DLGAP2: variants seen among roughly 807,000 people sequenced by gnomAD.
DLGAP2 encodes the protein DLG associated protein 2, also known as disks large-associated protein 2.
DLGAP2 carries 26 observed loss-of-function variants against 100.3 expected under a neutral mutation model. The ratio of observed to expected loss-of-function variants is 0.26; its 90% confidence interval spans 0.19 to 0.36. The LOEUF (loss-of-function observed/expected upper bound fraction) is 0.36, where lower values mean the gene tolerates loss of function less well. DLGAP2 is among the 10% of genes least tolerant of loss of function. The pLI is 1.00. For synonymous variants in DLGAP2, 886 were observed against 630.1 expected (o/e 1.41, Z -6.08); for missense variants, 1,858 against 1,453.2 (o/e 1.28, Z -4.53).
rs1161971889 is a variant in DLGAP2 at position 1,337,212 on chromosome 8, TGATGATGAG to T, written c.106+78337_106+78345del. Among the ~76,000 whole-genome samples, 340 of 100,526 alleles carry T rather than the reference TGATGATGAG, an allele frequency of 3.4e-3. 2 individuals are homozygous for T. Among genetic ancestry groups the T allele is most frequent in the South Asian group, 6.9e-3 (25 of 3,640 alleles). 65.9% of individuals were successfully genotyped at this position (100,526 alleles called of 152,430 possible). A position where few individuals can be genotyped will look rare whatever the true frequency, so the allele number is the denominator to read the frequency against. ...GTGAGAATGATGGTGATGATGGTGA[TGATGATGAG>T]GATGATGGTGGTGGTGAGAATGATG... On this transcript the variant is annotated intron_variant, in intron 3 of 14. Transcript: ENST00000637795.
At chr8:1,056,144 A>T (rs1021688110) in intron 2 of DLGAP2, among the ~76,000 whole-genome samples, 1 of 152,184 alleles carries the variant, frequency 6.6e-6, no homozygotes, top group Admixed American at 6.5e-5. Flanking sequence ...TTTAGAGAAA[A>T]ATGTAATTCT....
At chr8:1,498,691 C>G (rs1209134622) in intron 3 of DLGAP2, among the ~76,000 whole-genome samples, 2 of 152,222 alleles carry the variant, frequency 1.3e-5, no homozygotes, top group Non-Finnish European at 2.9e-5. Flanking sequence ...TTATAACAAT[C>G]TACTTTAATA....
chr8:1,190,881 C>G (rs1164613144), intron 2 of DLGAP2, among the ~76,000 whole-genome samples: 1 of 152,106 alleles, frequency 6.6e-6, no homozygotes, highest in African/African-American at 2.4e-5. Flanking sequence ...GGTCTGTGGC[C>G]GTTCAGTGCA....
Position 1,258,887 on chromosome 8 carries a change from A to G in DLGAP2, c.106+4A>G. 2 of 1,231,778 alleles carry G rather than the reference A, an allele frequency of 1.6e-6. No homozygotes were observed. Among genetic ancestry groups the G allele is most frequent in the Non-Finnish European group, 2.0e-6 (2 of 988,000 alleles). 76.3% of individuals were successfully genotyped at this position (1,231,778 alleles called of 1,614,324 possible). On this transcript the variant is annotated splice_donor_region_variant and intron_variant, in intron 3 of 14. Transcript: ENST00000637795. Reference sequence around the variant, plus strand: ...ACGCTCTGCGGGGAGCCGGAAGGTGAGTACCTGACATGCTGCCTGGGGTGG... The same window carrying G: ...ACGCTCTGCGGGGAGCCGGAAGGTGGGTACCTGACATGCTGCCTGGGGTGG...
intron 1 of DLGAP2, among the ~76,000 whole-genome samples, chr8:858,169 T>A (rs1207242419): frequency 6.6e-6 from 1 of 152,240 alleles, no homozygotes. Flanking sequence ...CATGAATGTT[T>A]ATAGCAGCTT....
chr8:934,436 G>A (rs894790927), intron 2 of DLGAP2, among the ~76,000 whole-genome samples: 2 of 152,122 alleles, frequency 1.3e-5, no homozygotes, highest in East Asian at 1.9e-4. Context: ...GCAGCCTGTC[G>A]GAGTCGATCT....
At position 1,057,136 on chromosome 8, in the gene DLGAP2, G is replaced by T. The variant is rs1285018406; in HGVS notation, c.73+149170G>T. On this transcript the variant is annotated intron_variant, in intron 2 of 14. Transcript: ENST00000637795. Reference sequence around the variant, plus strand: ...CTGCAGAGTTTTACCTTTGAAACCTGTGAAACCTTTCAGTGTGAGAATACT... The same window carrying T: ...CTGCAGAGTTTTACCTTTGAAACCTTTGAAACCTTTCAGTGTGAGAATACT... Among the ~76,000 whole-genome samples the T allele has an allele frequency of 2.0e-5, 3 of 152,214 alleles. No individual in the cohort carries two copies. The East Asian group carries it at 5.8e-4, about 29-fold the overall frequency.
At chr8:1,644,375 C>T (rs1292453348) in intron 8 of DLGAP2, among the ~76,000 whole-genome samples, 1 of 152,364 alleles carries the variant, frequency 6.6e-6, no homozygotes, top group African/African-American at 2.4e-5. Context: ...CCAGACGGCC[C>T]AGCTGCCCTC....
intron 2 of DLGAP2, among the ~76,000 whole-genome samples, chr8:1,254,531 G>A (rs778399365): frequency 1.3e-5 from 2 of 152,124 alleles, no homozygotes; most frequent in Non-Finnish European, 2.9e-5. Context: ...CGTGGGGCGC[G>A]ATCATTGGCA....
At chr8:1,351,005 T>G in intron 3 of DLGAP2, among the ~76,000 whole-genome samples, 1 of 62,558 alleles carries the variant, frequency 1.6e-5, no homozygotes, top group African/African-American at 7.7e-5. Flanking sequence ...GTGCGGGTCC[T>G]GACTGTGTGT....
Position 1,303,352 on chromosome 8 carries a change from G to A in DLGAP2, c.106+44469G>A, listed in dbSNP as rs530780750. Among the ~76,000 whole-genome samples the A allele has an allele frequency of 1.5e-3, 223 of 148,858 alleles. 1 individual carries two copies. The highest frequency in any genetic ancestry group is 2.7e-3 in the Non-Finnish European group (183 of 67,542). On this transcript the variant is annotated intron_variant, in intron 3 of 14. Coordinates refer to ENST00000637795, the MANE Select transcript of DLGAP2 (RefSeq NM_001346810.2). ...GCGGAGCTTGCACAGAGCCGAGATC[G>A]CGCCACCGCACTCCAGCCTGGGCGA...
chr8:1,258,756 A>C (rs1799281323), intron 2 of DLGAP2, 95 bp from the exon 3 acceptor site: 1 of 1,091,786 alleles, frequency 9.2e-7, no homozygotes, highest in Non-Finnish European at 1.2e-6. Context: ...GCGTCATCTT[A>C]AAGTTGTAGT....
intron 3 of DLGAP2, among the ~76,000 whole-genome samples, chr8:1,497,481 A>G (rs894914577): frequency 2.0e-5 from 3 of 152,166 alleles, no homozygotes; most frequent in Admixed American, 2.0e-4. Flanking sequence ...CCATCTTTCC[A>G]ATGACTGGTG....
In DLGAP2 at chr8:800,684, ATGTGCATG is replaced by A. The variant is rs1203485690; in HGVS notation, c.18+62872_18+62879del. Reference sequence around the variant, plus strand: ...TGTGCATGTGTGTACATGTATGTGTATGTGCATGTGTGCATGTGTGTGTCTGTGTGTCC... The same window carrying A: ...TGTGCATGTGTGTACATGTATGTGTATGTGCATGTGTGTGTCTGTGTGTCC... On this transcript the variant is annotated intron_variant, in intron 1 of 14. Transcript: ENST00000637795. Among the ~76,000 whole-genome samples, 10 of 152,138 alleles carry A rather than the reference ATGTGCATG, an allele frequency of 6.6e-5. No individual in the cohort carries two copies. In the East Asian group the frequency reaches 9.7e-4, roughly 15 times the overall value.
intron 8 of DLGAP2, among the ~76,000 whole-genome samples, chr8:1,635,464 A>T (rs937676907): frequency 2.6e-5 from 4 of 152,226 alleles, no homozygotes; most frequent in African/African-American, 9.6e-5. Flanking sequence ...CACTACGTTC[A>T]ATAGCTGTCA....
chr8:1,276,084 A>C (rs1799688023), intron 3 of DLGAP2, among the ~76,000 whole-genome samples: 1 of 140,764 alleles, frequency 7.1e-6, no homozygotes, highest in Admixed American at 7.5e-5. Flanking sequence ...ATATATAAAT[A>C]AATGTGTATA....
chr8:1,318,818 T>A (rs1179847352), intron 3 of DLGAP2, among the ~76,000 whole-genome samples: 1 of 104,818 alleles, frequency 9.5e-6, no homozygotes, highest in Non-Finnish European at 1.8e-5. Context: ...GGGCCTCCAA[T>A]GTGTTCCCCA....
chr8:1,078,039 G>A (rs1301077281), intron 2 of DLGAP2, among the ~76,000 whole-genome samples: 2 of 152,120 alleles, frequency 1.3e-5, no homozygotes, highest in Non-Finnish European at 1.5e-5. Context: ...CAAGCACAGA[G>A]GAACTTAAAT....
intron 1 of DLGAP2, among the ~76,000 whole-genome samples, chr8:806,912 A>G (rs932401681): frequency 5.9e-5 from 9 of 152,170 alleles, no homozygotes; most frequent in Non-Finnish European, 1.0e-4. Context: ...GAAAGATGAG[A>G]TCCTTGATAA....
Sources: gnomAD v4.1 joint callset for allele counts (sites outside exome capture counted in the v4.1 genomes callset) on GRCh38, gnomAD v4.1.1 for gene constraint, MANE v1.5 for transcripts, NCBI Gene and HGNC (gene_info 2026-07-23, HGNC 2026-07-21) for gene names.